Variants in TMEM132C observed in about 807,000 individuals in gnomAD.
TMEM132C encodes protein phosphatase 1, regulatory subunit 152.
A neutral mutation model predicts 61.4 loss-of-function variants in TMEM132C; 29 were observed. The observed-to-expected ratio is 0.47, with a 90% CI of 0.35 to 0.64. The LOEUF (loss-of-function observed/expected upper bound fraction) is 0.64. TMEM132C is among the 30% of genes least tolerant of loss of function. The pLI, the probability that TMEM132C is intolerant of heterozygous loss-of-function variation, is 0.00. For missense variants in TMEM132C, 1,408 were observed against 1,476.9 expected (o/e 0.95, Z 0.76); for synonymous variants, 656 against 633.1 (o/e 1.04, Z -0.54).
intron 4 of TMEM132C, among the ~76,000 whole-genome samples, chr12:128,659,753 T>C (rs946835304): frequency 6.6e-6 from 1 of 151,938 alleles, no homozygotes; most frequent in African/African-American, 2.4e-5. Context: ...GATTTAAGAG[T>C]CAGCGATGTC....
chr12:128,430,023 C>T (rs1163557177), intron 2 of TMEM132C, among the ~76,000 whole-genome samples: 1 of 152,154 alleles, frequency 6.6e-6, no homozygotes, highest in African/African-American at 2.4e-5. Flanking sequence ...TTTTACCTCA[C>T]TGGGCTGGTG....
At chr12:128,340,260 TAAC>T (rs2135953052) in intron 1 of TMEM132C, among the ~76,000 whole-genome samples, 1 of 152,294 alleles carries the variant, frequency 6.6e-6, no homozygotes, top group Admixed American at 6.5e-5. Context: ...TTCCCCTGTC[TAAC>T]ATTAACACCT....
intron 1 of TMEM132C, among the ~76,000 whole-genome samples, chr12:128,345,506 A>G (rs1165203713): frequency 2.0e-5 from 3 of 152,206 alleles, no homozygotes; most frequent in Non-Finnish European, 2.9e-5. Flanking sequence ...TGATTGAACT[A>G]TTAGATAATT....
chr12:128,596,449 A>C (rs932990694), intron 3 of TMEM132C, among the ~76,000 whole-genome samples: 3 of 147,144 alleles, frequency 2.0e-5, no homozygotes, highest in Admixed American at 6.7e-5. Context: ...CTTGGTACAG[A>C]GGTGGCAGGG....
intron 1 of TMEM132C, among the ~76,000 whole-genome samples, chr12:128,276,850 C>A (rs998279207): frequency 3.7e-4 from 56 of 151,226 alleles, no homozygotes; most frequent in Admixed American, 3.6e-3. Context: ...AAGAAAACTG[C>A]CTCCTGCCTC....
intron 2 of TMEM132C, among the ~76,000 whole-genome samples, chr12:128,461,041 A>G (rs942460514): frequency 6.6e-6 from 1 of 152,192 alleles, no homozygotes; most frequent in African/African-American, 2.4e-5. Context: ...TAATGAAGGC[A>G]TGTTTGCAAA....
At chr12:128,283,592 T>G (rs558528360) in intron 1 of TMEM132C, among the ~76,000 whole-genome samples, 3 of 152,226 alleles carry the variant, frequency 2.0e-5, no homozygotes, top group Admixed American at 6.5e-5. Flanking sequence ...TATCTACTGT[T>G]CTCTGTCTAC....
chr12:128,649,102 G>A (rs911368849), intron 4 of TMEM132C, among the ~76,000 whole-genome samples: 15 of 152,246 alleles, frequency 9.9e-5, no homozygotes, highest in African/African-American at 3.6e-4. Context: ...ATCGTGTCCA[G>A]GTGATTGCCA....
intron 2 of TMEM132C, among the ~76,000 whole-genome samples, chr12:128,429,916 G>A (rs569884464): frequency 5.3e-5 from 8 of 152,254 alleles, no homozygotes; most frequent in East Asian, 3.9e-4. Flanking sequence ...GCTAAAGGGT[G>A]CAGCGGACAG....
At chr12:128,469,611 G>A (rs185463115) in intron 2 of TMEM132C, among the ~76,000 whole-genome samples, 1 of 150,848 alleles carries the variant, frequency 6.6e-6, no homozygotes, top group African/African-American at 2.4e-5. Context: ...ATGCATTTTT[G>A]TATGCTTGTA....
At chr12:128,665,236 C>G (rs1954446799) in intron 4 of TMEM132C, among the ~76,000 whole-genome samples, 1 of 149,574 alleles carries the variant, frequency 6.7e-6, no homozygotes, top group Admixed American at 6.7e-5. Context: ...TACACACAGG[C>G]TCGCACACAC....
intron 1 of TMEM132C, among the ~76,000 whole-genome samples, chr12:128,372,954 T>C (rs184895989): frequency 6.6e-6 from 1 of 152,222 alleles, no homozygotes; most frequent in South Asian, 2.1e-4. Context: ...TATGACACAT[T>C]CAGAAGCATC....
Position 128,363,542 on chromosome 12 carries a change from C to T in TMEM132C, c.86-51190C>T, listed in dbSNP as rs180998869. On this transcript the variant is annotated intron_variant, in intron 1 of 8. Coordinates refer to ENST00000435159, the MANE Select transcript of TMEM132C (RefSeq NM_001136103.3). ...GCCACTCTGCCCTGCACAGGGGAGA[C>T]GGGGAGAATAAGATGGGGTTCCTGG... Among the ~76,000 whole-genome samples, 271 of 152,138 alleles carry T rather than the reference C, an allele frequency of 1.8e-3. 1 individual carries two copies. The highest frequency in any genetic ancestry group is 5.5e-3 in the African/African-American group (230 of 41,532).
chr12:128,588,821 G>A (rs1030804886), intron 3 of TMEM132C, among the ~76,000 whole-genome samples: 4 of 152,174 alleles, frequency 2.6e-5, no homozygotes, highest in Non-Finnish European at 5.9e-5. Context: ...GCAGAACTGT[G>A]AGCAGTATGT....
In TMEM132C at chr12:128,706,254, G is replaced by A. The variant is rs559941011; in HGVS notation, c.3286G>A (p.Glu1096Lys). 83 of 1,550,492 alleles carry A rather than the reference G, an allele frequency of 5.4e-5. No individual in the cohort carries two copies. In the African/African-American group the frequency reaches 1.1e-3, roughly 20 times the overall value. Residue 1096 changes from glutamate (E) to lysine (K), a missense_variant, in exon 9 of 9, where the codon GAA (glutamate) becomes AAA (lysine). Physicochemically the swap from Glu to Lys is moderately conservative, Grantham distance 56. Transcript: ENST00000435159. ...AGACGTGGCTGTGGGTGCCCCCAAG[G>A]AACTTAGAAACTATCTGGAGAAACT... Reference protein sequence around the residue: ...CQDVAVGAPKELRNYLEKLKD... With the variant: ...CQDVAVGAPKKLRNYLEKLKD...
chr12:128,540,211 A>G (rs549822574), intron 2 of TMEM132C, among the ~76,000 whole-genome samples: 57 of 152,100 alleles, frequency 3.7e-4, no homozygotes, highest in Non-Finnish European at 6.3e-4. Flanking sequence ...CATGATTGCA[A>G]TATCTTCTCT....
intron 1 of TMEM132C, among the ~76,000 whole-genome samples, chr12:128,286,567 G>A (rs1454474616): frequency 6.6e-6 from 1 of 152,234 alleles, no homozygotes; most frequent in African/African-American, 2.4e-5. Flanking sequence ...CAGCTTTCAA[G>A]TGTGGACAGC....
chr12:128,466,704 G>A (rs573420747), intron 2 of TMEM132C, among the ~76,000 whole-genome samples: 10 of 152,266 alleles, frequency 6.6e-5, no homozygotes, highest in African/African-American at 2.2e-4. Flanking sequence ...TGTTTGTAGA[G>A]ATAGGGTTTC....
chr12:128,469,292 A>G (rs1328904450), intron 2 of TMEM132C, among the ~76,000 whole-genome samples: 2 of 151,904 alleles, frequency 1.3e-5, no homozygotes, highest in Admixed American at 1.3e-4. Context: ...GATCATATAT[A>G]TAAGCGTGAG....
Sources: gnomAD v4.1 joint callset for allele counts (sites outside exome capture counted in the v4.1 genomes callset) on GRCh38, gnomAD v4.1.1 for gene constraint, MANE v1.5 for transcripts, NCBI Gene and HGNC (gene_info 2026-07-23, HGNC 2026-07-21) for gene names.